Variants in CHEK2 observed in about 807,000 individuals in gnomAD.
CHEK2 encodes serine/threonine-protein kinase Chk2.
CHEK2 carries 71 observed loss-of-function variants against 69.1 expected under a neutral mutation model. The observed-to-expected ratio is 1.03, with a 90% confidence interval of 0.85 to 1.25. CHEK2 has a LOEUF of 1.25. Among genes scored for constraint, CHEK2 ranks in the 50% most tolerant of loss-of-function variants. The pLI, the probability that CHEK2 is intolerant of heterozygous loss-of-function variation, is 0.00. For synonymous variants in CHEK2, 189 were observed against 226.9 expected, an observed-to-expected ratio of 0.83 and a Z score of 1.50; for missense variants, 664 against 649.6, an observed-to-expected ratio of 1.02 and a Z score of -0.24.
At chr22:28,719,010 T>G (rs2053676217) in intron 5 of CHEK2, among the ~76,000 whole-genome samples, 2 of 151,944 alleles carry the variant, frequency 1.3e-5, no homozygotes, top group Non-Finnish European at 2.9e-5. Context: ...GAGGATGGGT[T>G]GAGCCCAGGA....
Position 28,734,825 on chromosome 22 carries a change from GA to G in CHEK2, c.-6-99del, listed in dbSNP as rs201340887. 0.022 allele frequency: 14,197 copies of G among 645,390 alleles called. 72 individuals carry two copies. The highest frequency in any genetic ancestry group is 0.064 in the African/African-American group (3,310 of 51,432). 40.0% of individuals were successfully genotyped at this position (645,390 alleles called of 1,614,324 possible). A position where few individuals can be genotyped will look rare whatever the true frequency, so the allele number is the denominator to read the frequency against. ...GGCCTATTACAACAGCAAAAGAAAA[GA>G]AAAAAAAAAAAACAGGGCAAACATG... On this transcript the variant is annotated intron_variant, in intron 1 of 14. Coordinates refer to ENST00000404276, the MANE Select transcript of CHEK2 (RefSeq NM_007194.4).
At chr22:28,700,366 C>T (rs1248806809) in intron 8 of CHEK2, among the ~76,000 whole-genome samples, 1 of 152,046 alleles carries the variant, frequency 6.6e-6, no homozygotes, top group Non-Finnish European at 1.5e-5. Context: ...TATGCACCAC[C>T]ATGCCCGGCT....
At chr22:28,730,408 C>A in intron 2 of CHEK2, 2 of 621,400 alleles carry the variant, frequency 3.2e-6, no homozygotes, top group Admixed American at 2.2e-5. Flanking sequence ...AGACCCACAG[C>A]TAACATCATA....
At chr22:28,726,613 CACAA>C (rs1027802546) in intron 2 of CHEK2, among the ~76,000 whole-genome samples, 6 of 145,666 alleles carry the variant, frequency 4.1e-5, no homozygotes, top group East Asian at 2.0e-4. Context: ...TATTTATATA[CACAA>C]ACACACACAT....
chr22:28,707,314 A>C (rs1274897885), intron 7 of CHEK2, among the ~76,000 whole-genome samples: 1 of 152,236 alleles, frequency 6.6e-6, no homozygotes, highest in Admixed American at 6.5e-5. Context: ...CGTCTCATTA[A>C]ATTCTCACAC....
intron 8 of CHEK2, 78 bp from the exon 9 acceptor site, chr22:28,700,015 C>T: frequency 1.1e-6 from 1 of 925,928 alleles, no homozygotes. Context: ...AACAACAAAA[C>T]AAATTCATTA....
intron 2 of CHEK2, among the ~76,000 whole-genome samples, chr22:28,727,228 A>G (rs927913150): frequency 6.6e-6 from 1 of 152,120 alleles, no homozygotes; most frequent in African/African-American, 2.4e-5. Context: ...ATTTTAGTAG[A>G]GACGGGGTTT....
Position 28,699,923 on chromosome 22 carries a change from T to C in CHEK2, c.923A>G (p.Glu308Gly), listed in dbSNP as rs2145844660. Residue 308 changes from glutamate (E) to glycine (G), a missense_variant, in exon 9 of 15, where the codon GAG becomes GGG. Coordinates refer to ENST00000404276, the MANE Select transcript of CHEK2 (RefSeq NM_007194.4). ...ATTCCCCACCACTTTGTCAAACAGC[T>C]CTCCCCCTTCCATCCTGAAACACAA... ...YIVLELMEGG[E>G]LFDKVVGNKR... 2 of 1,613,576 alleles carry C rather than the reference T, an allele frequency of 1.2e-6. No homozygotes were observed. The highest frequency in any genetic ancestry group is 1.7e-6 in the Non-Finnish European group (2 of 1,179,714).
chr22:28,711,806 G>C, intron 6 of CHEK2, 103 bp downstream of exon 6: 1 of 828,786 alleles, frequency 1.2e-6, no homozygotes, highest in South Asian at 1.4e-5. Flanking sequence ...ATCCATCTAA[G>C]CAGGGGGTTA....
rs1060504697 is a variant in CHEK2, at chr22:28,694,065, C to G, written c.1428G>C (p.Thr476=). ...ACGGGTGTCTTAAGGCTTCTTCTGT[C>G]GTAAAACGTGCCTTTGGATCCACTA... ...LLVVDPKARF[T]TEEALRHPWL... is the part of the protein sequence containing the mutation. The change falls in exon 13 of 15, where the codon ACG becomes ACC. Residue 476 remains threonine, a synonymous_variant. Transcript: ENST00000404276. 6.3e-7 allele frequency: 1 copy of G among 1,596,090 alleles called. No homozygotes were observed. Among genetic ancestry groups the G allele is most frequent in the Non-Finnish European group, 8.5e-7 (1 of 1,179,560 alleles).
At chr22:28,715,207 T>C (rs1184811183) in intron 5 of CHEK2, among the ~76,000 whole-genome samples, 1 of 151,982 alleles carries the variant, frequency 6.6e-6, no homozygotes, top group Non-Finnish European at 1.5e-5. Flanking sequence ...TCCTACCACA[T>C]AGAGAGAACA....
chr22:28,718,403 T>C (rs1341283596), intron 5 of CHEK2, among the ~76,000 whole-genome samples: 1 of 152,138 alleles, frequency 6.6e-6, no homozygotes, highest in Non-Finnish European at 1.5e-5. Context: ...AATTACCATA[T>C]GATCCAGCAA....
chr22:28,726,431 A>G (rs1006060211), intron 2 of CHEK2: 92 of 146,944 alleles, frequency 6.3e-4, no homozygotes, highest in Non-Finnish European at 1.1e-3. Flanking sequence ...TATTATATAT[A>G]ATATATATAA....
At chr22:28,716,578 A>T (rs527702434) in intron 5 of CHEK2, among the ~76,000 whole-genome samples, 1 of 152,306 alleles carries the variant, frequency 6.6e-6, no homozygotes, top group South Asian at 2.1e-4. Context: ...TACTGAATTC[A>T]GTATCAGTAA....
At chr22:28,724,737 TGTATTTTTAGTA>T in intron 4 of CHEK2, 1 of 495,986 alleles carries the variant, frequency 2.0e-6, no homozygotes, top group South Asian at 1.9e-5. Context: ...CGGCTTATTT[TGTATTTTTAGTA>T]GAGACAGGGT....
At chr22:28,698,292 T>C (rs938076819) in intron 9 of CHEK2, among the ~76,000 whole-genome samples, 4 of 148,044 alleles carry the variant, frequency 2.7e-5, no homozygotes, top group African/African-American at 9.9e-5. Flanking sequence ...AGCTACTGGG[T>C]AGGCTGAGGC....
intron 4 of CHEK2, chr22:28,721,781 A>G (rs1365042264): frequency 3.2e-6 from 1 of 316,794 alleles, no homozygotes; most frequent in African/African-American, 2.2e-5. Flanking sequence ...CCCAGGGAAG[A>G]GTACAGTGGT....
intron 9 of CHEK2, among the ~76,000 whole-genome samples, chr22:28,698,692 G>A (rs1213308824): frequency 6.6e-6 from 1 of 152,190 alleles, no homozygotes; most frequent in African/African-American, 2.4e-5. Flanking sequence ...AAATGGTGAT[G>A]TTCCTCAAAG....
At chr22:28,699,386 A>C (rs1162206045) in intron 9 of CHEK2, among the ~76,000 whole-genome samples, 2 of 36,246 alleles carry the variant, frequency 5.5e-5, no homozygotes, top group African/African-American at 9.9e-5. Context: ...TTTTTTTTTG[A>C]GATGGAGTCT....
Sources: allele counts gnomAD v4.1 joint callset (sites outside exome capture counted in the v4.1 genomes callset), GRCh38; gene constraint gnomAD v4.1.1; transcripts MANE v1.5; gene names NCBI Gene and HGNC (gene_info 2026-07-23, HGNC 2026-07-21).